Variants in ATG14 observed in about 807,000 individuals in gnomAD.
The protein encoded by ATG14 is beclin 1-associated autophagy-related key regulator.
A neutral mutation model predicts 60.4 loss-of-function variants in ATG14; 35 were observed. The observed-to-expected ratio is 0.58, with a 90% CI of 0.44 to 0.77. The LOEUF (loss-of-function observed/expected upper bound fraction) is 0.77, where lower values mean the gene tolerates loss of function less well. Ranked by LOEUF, ATG14 falls within the 30% of genes least tolerant of loss-of-function variation. ATG14 has a pLI of 0.00. For missense variants in ATG14, 647 were observed against 626.3 expected (o/e 1.03, Z -0.35); for synonymous variants, 234 against 228.8 (o/e 1.02, Z -0.21).
chr14:55,369,859 A>G lies in ATG14; in HGVS notation c.1239T>C (p.Ala413=). ...ESMEFVDPGV[A]GESDESGDER... ...CATCTCCGCTCTCATCTGATTCTCC[A>G]GCAACTCCGGGATCCACAAATTCCA... is the stretch of plus-strand genomic sequence containing the variant. The change falls in exon 10 of 10, where the codon GCT becomes GCC. Residue 413 remains alanine (A), a synonymous_variant. Transcript: ENST00000247178. The G allele has an allele frequency of 1.9e-6, 3 of 1,614,142 alleles. No individual in the cohort carries two copies. The highest frequency in any genetic ancestry group is 2.5e-6 in the Non-Finnish European group (3 of 1,180,004).
chr14:55,381,829 G>A (rs1566579422), intron 6 of ATG14, 133 bp downstream of exon 6: 1 of 697,550 alleles, frequency 1.4e-6, no homozygotes, highest in Non-Finnish European at 2.4e-6. Context: ...TGACATGGAG[G>A]TGATGGGAGC....
intron 7 of ATG14, among the ~76,000 whole-genome samples, chr14:55,380,239 C>T (rs1275489552): frequency 6.8e-6 from 1 of 147,630 alleles, no homozygotes; most frequent in Admixed American, 6.7e-5. Flanking sequence ...CAGAGCGAGA[C>T]TCTGTCTCAA....
chr14:55,401,788 G>T (rs1885403848), intron 1 of ATG14, among the ~76,000 whole-genome samples: 1 of 152,126 alleles, frequency 6.6e-6, no homozygotes, highest in Admixed American at 6.6e-5. Context: ...ACCCAGCTCG[G>T]GCTTCAGAGG....
intron 3 of ATG14, chr14:55,394,934 G>C: frequency 2.6e-6 from 1 of 385,270 alleles, no homozygotes. Context: ...AACAACCAGA[G>C]AATGATTTCA....
At chr14:55,407,304 T>C (rs538817762) in intron 1 of ATG14, among the ~76,000 whole-genome samples, 1 of 152,274 alleles carries the variant, frequency 6.6e-6, no homozygotes, top group South Asian at 2.1e-4. Context: ...CTAATTTTTG[T>C]ATTTTGACTA....
At chr14:55,370,694 T>G (rs113333931) in intron 9 of ATG14, among the ~76,000 whole-genome samples, 1 of 151,850 alleles carries the variant, frequency 6.6e-6, no homozygotes, top group Non-Finnish European at 1.5e-5. Flanking sequence ...CAGGCTGGAG[T>G]GCAGTGGCGC....
intron 9 of ATG14, 22 bp from the exon 10 acceptor site, chr14:55,369,947 C>T (rs1566575978): frequency 2.5e-6 from 4 of 1,569,140 alleles, no homozygotes; most frequent in Non-Finnish European, 3.5e-6. Context: ...CAATGAGGGT[C>T]TCTTTAGGAT....
chr14:55,405,785 C>T (rs1314285012), intron 1 of ATG14, among the ~76,000 whole-genome samples: 2 of 151,542 alleles, frequency 1.3e-5, no homozygotes, highest in Admixed American at 1.3e-4. Context: ...TAATATCATT[C>T]TTCTTCTTCA....
intron 7 of ATG14, among the ~76,000 whole-genome samples, chr14:55,379,258 G>T (rs1358060959): frequency 6.6e-6 from 1 of 152,106 alleles, no homozygotes; most frequent in East Asian, 1.9e-4. Context: ...GATGATGGCC[G>T]GGTGCAGTGG....
chr14:55,401,125 A>C (rs548339650), intron 1 of ATG14, among the ~76,000 whole-genome samples: 1 of 152,036 alleles, frequency 6.6e-6, no homozygotes, highest in Admixed American at 6.5e-5. Flanking sequence ...TTGGCCTCCC[A>C]TCCCTCCCTC....
intron 4 of ATG14, among the ~76,000 whole-genome samples, chr14:55,389,566 A>T (rs28460382): frequency 1.3e-5 from 2 of 152,224 alleles, no homozygotes; most frequent in African/African-American, 4.8e-5. Context: ...GACAAGAAAA[A>T]GGGATTCACG....
At chr14:55,373,053 T>G (rs1486414172) in intron 9 of ATG14, among the ~76,000 whole-genome samples, 2 of 152,072 alleles carry the variant, frequency 1.3e-5, no homozygotes, top group African/African-American at 4.8e-5. Flanking sequence ...CTCTCCCACT[T>G]CTAGATTAGA....
chr14:55,387,531 G>C (rs1885145494), intron 4 of ATG14, among the ~76,000 whole-genome samples: 1 of 152,128 alleles, frequency 6.6e-6, no homozygotes, highest in Admixed American at 6.5e-5. Flanking sequence ...CCTCAGATGA[G>C]GTCCCACTGA....
intron 3 of ATG14, among the ~76,000 whole-genome samples, chr14:55,392,392 T>C (rs1885233057): frequency 6.6e-6 from 1 of 152,102 alleles, no homozygotes; most frequent in Admixed American, 6.5e-5. Context: ...CTCACACCTG[T>C]AATCCTAGAC....
At chr14:55,411,307 G>A (rs1885567334) in intron 1 of ATG14, among the ~76,000 whole-genome samples, 1 of 152,230 alleles carries the variant, frequency 6.6e-6, no homozygotes, top group Non-Finnish European at 1.5e-5. Flanking sequence ...GCAGCAACGG[G>A]AAAACTTCTC....
intron 3 of ATG14, 40 bp downstream of exon 3, chr14:55,395,900 C>G: frequency 7.0e-7 from 1 of 1,436,968 alleles, no homozygotes; most frequent in Non-Finnish European, 9.3e-7. Flanking sequence ...AACTTAAAAA[C>G]ATGTAGCCTC....
intron 4 of ATG14, among the ~76,000 whole-genome samples, chr14:55,387,735 C>G (rs12892493): frequency 2.0e-5 from 3 of 152,044 alleles, no homozygotes; most frequent in Non-Finnish European, 4.4e-5. Context: ...AGTGGTGCAT[C>G]TCGGCTCACT....
At chr14:55,377,111 C>T (rs1184694935) in intron 9 of ATG14, among the ~76,000 whole-genome samples, 1 of 152,184 alleles carries the variant, frequency 6.6e-6, no homozygotes, top group African/African-American at 2.4e-5. Context: ...CTTTGGGAAG[C>T]CGAAGCGGGT....
chr14:55,397,577 G>A (rs1885333615), intron 1 of ATG14, 143 bp from the exon 2 acceptor site: 1 of 676,190 alleles, frequency 1.5e-6, no homozygotes, highest in Non-Finnish European at 2.6e-6. Context: ...CTTCTCAACG[G>A]GGTGCACACA....
Sources: gnomAD v4.1 joint callset for allele counts (sites outside exome capture counted in the v4.1 genomes callset) on GRCh38, gnomAD v4.1.1 for gene constraint, MANE v1.5 for transcripts, NCBI Gene and HGNC (gene_info 2026-07-23, HGNC 2026-07-21) for gene names.